Variants in MAPKAP1 observed in about 807,000 individuals in gnomAD.
The protein encoded by MAPKAP1 is target of rapamycin complex 2 subunit MAPKAP1.
In MAPKAP1, 20 loss-of-function variants were observed where a neutral mutation model predicts 65.7. That is an observed-to-expected ratio of 0.30 (90% CI 0.21 to 0.44). The LOEUF is 0.44. Ranked by LOEUF, MAPKAP1 falls within the 20% of genes least tolerant of loss-of-function variation. The pLI is 1.00. For missense variants in MAPKAP1, 423 were observed against 648.0 expected (o/e 0.65, Z 3.77); for synonymous variants, 222 against 244.3 (o/e 0.91, Z 0.85).
intron 10 of MAPKAP1, among the ~76,000 whole-genome samples, chr9:125,445,910 A>G (rs995243884): frequency 6.6e-6 from 1 of 152,222 alleles, no homozygotes; most frequent in Non-Finnish European, 1.5e-5. Flanking sequence ...TTCCTAGACC[A>G]AGGAGCAGCA....
chr9:125,649,601 C>T (rs982339796), intron 4 of MAPKAP1, among the ~76,000 whole-genome samples: 3 of 151,648 alleles, frequency 2.0e-5, no homozygotes, highest in Non-Finnish European at 2.9e-5. Context: ...GGCTGACAAG[C>T]GAGAACAAAA....
chr9:125,570,744 G>GA (rs905836046), intron 5 of MAPKAP1, among the ~76,000 whole-genome samples: 7 of 150,310 alleles, frequency 4.7e-5, no homozygotes, highest in East Asian at 3.9e-4. Flanking sequence ...TTTTAAGTAA[G>GA]AAAAAAAAAT....
intron 4 of MAPKAP1, among the ~76,000 whole-genome samples, chr9:125,618,701 T>C (rs1366867862): frequency 2.0e-5 from 3 of 152,094 alleles, no homozygotes; most frequent in East Asian, 3.9e-4. Flanking sequence ...ACCTCAAATA[T>C]GTTTTTCAAT....
At chr9:125,670,550 T>A (rs1386794871) in intron 2 of MAPKAP1, among the ~76,000 whole-genome samples, 1 of 152,166 alleles carries the variant, frequency 6.6e-6, no homozygotes, top group African/African-American at 2.4e-5. Flanking sequence ...GCTGCATGGA[T>A]TAAAAAGTAA....
intron 8 of MAPKAP1, among the ~76,000 whole-genome samples, chr9:125,485,161 T>C (rs1854457141): frequency 6.6e-6 from 1 of 152,164 alleles, no homozygotes; most frequent in African/African-American, 2.4e-5. Context: ...TAAGGTTACA[T>C]GGCTGTCTAT....
intron 7 of MAPKAP1, among the ~76,000 whole-genome samples, chr9:125,537,039 A>G (rs1830093247): frequency 6.6e-6 from 1 of 152,234 alleles, no homozygotes. Flanking sequence ...CTCAGAATCA[A>G]TGAACATTTC....
At chr9:125,612,859 A>C (rs1210696870) in intron 4 of MAPKAP1, among the ~76,000 whole-genome samples, 4 of 152,230 alleles carry the variant, frequency 2.6e-5, no homozygotes, top group Non-Finnish European at 5.9e-5. Context: ...AGGCTGTTAC[A>C]CAATGGAGGC....
chr9:125,690,079 A>C (rs1835121970), intron 1 of MAPKAP1, among the ~76,000 whole-genome samples: 1 of 152,222 alleles, frequency 6.6e-6, no homozygotes, highest in Non-Finnish European at 1.5e-5. Context: ...CAAGAGCAAA[A>C]GTCCATCTCA....
intron 10 of MAPKAP1, among the ~76,000 whole-genome samples, chr9:125,448,742 A>G (rs1221751066): frequency 6.6e-6 from 1 of 152,176 alleles, no homozygotes; most frequent in Non-Finnish European, 1.5e-5. Flanking sequence ...CAGTGGCTCA[A>G]GCCTGTAATC....
At chr9:125,479,345 C>T (rs1003817258) in intron 9 of MAPKAP1, among the ~76,000 whole-genome samples, 1 of 152,044 alleles carries the variant, frequency 6.6e-6, no homozygotes, top group Admixed American at 6.5e-5. Flanking sequence ...TTTGGGAGGC[C>T]GAGGTGGGTG....
chr9:125,608,131 T>C (rs1273511652), intron 4 of MAPKAP1, among the ~76,000 whole-genome samples: 1 of 152,158 alleles, frequency 6.6e-6, no homozygotes. Context: ...CATGTCATAG[T>C]GTTATTAGAA....
chr9:125,625,261 A>AT (rs777958310), intron 4 of MAPKAP1, among the ~76,000 whole-genome samples: 28,494 of 135,562 alleles, frequency 0.21, 4,205 homozygotes, highest in Non-Finnish European at 0.28. Context: ...TAAATAAAAA[A>AT]AAAAAAAAAA....
At chr9:125,702,471 T>C (rs947211906) in intron 1 of MAPKAP1, among the ~76,000 whole-genome samples, 3 of 150,674 alleles carry the variant, frequency 2.0e-5, no homozygotes, top group South Asian at 2.1e-4. Context: ...GAGGTGGAGG[T>C]TGCAGTGAGT....
rs750519243 is a variant in MAPKAP1, at chr9:125,506,382, T to C, written c.994A>G (p.Asn332Asp). ...GTGCTGTCCAGGTCAACGGCGACAT[T>C]GGGCTCGCTCTGCTTCTCCAGGCGG... is the stretch of plus-strand genomic sequence containing the variant. ...QYRLEKQSEP[N>D]VAVDLDSTLE... is the part of the protein sequence containing the mutation. The change falls in exon 8 of 12, where the codon AAT (asparagine) becomes GAT (aspartate). Residue 332 changes from asparagine (N) to aspartate (D), a missense_variant. Around this residue, in one of 6 missense-constraint regions of MAPKAP1, gnomAD observed 185 missense variants for 268.1 expected, o/e 0.69. Coordinates refer to ENST00000265960, the MANE Select transcript of MAPKAP1 (RefSeq NM_001006617.3). The C allele has an allele frequency of 1.9e-6, 3 of 1,614,108 alleles. No homozygotes were observed. Among genetic ancestry groups the C allele is most frequent in the African/African-American group, 1.3e-5 (1 of 75,022 alleles).
chr9:125,538,385 T>G, intron 7 of MAPKAP1, among the ~76,000 whole-genome samples: 1 of 152,186 alleles, frequency 6.6e-6, no homozygotes, highest in Non-Finnish European at 1.5e-5. Context: ...TAAGACTTGC[T>G]AATGGATAAG....
chr9:125,527,291 C>T (rs1449547518), intron 7 of MAPKAP1, among the ~76,000 whole-genome samples: 1 of 152,160 alleles, frequency 6.6e-6, no homozygotes, highest in Non-Finnish European at 1.5e-5. Context: ...TGGTCTTGAA[C>T]TCCTGACCTC....
chr9:125,695,303 T>G (rs907820644), intron 1 of MAPKAP1, among the ~76,000 whole-genome samples: 3 of 152,236 alleles, frequency 2.0e-5, no homozygotes, highest in Non-Finnish European at 4.4e-5. Flanking sequence ...GTAAAGAGCA[T>G]TCTATCAATA....
intron 7 of MAPKAP1, among the ~76,000 whole-genome samples, chr9:125,516,890 A>G (rs1345710289): frequency 6.6e-6 from 1 of 152,136 alleles, no homozygotes; most frequent in East Asian, 1.9e-4. Context: ...CCTTTTTGAA[A>G]ACAAGTCAAA....
chr9:125,477,552 C>A (rs1490244120), intron 9 of MAPKAP1, among the ~76,000 whole-genome samples: 4 of 152,158 alleles, frequency 2.6e-5, no homozygotes, highest in Non-Finnish European at 5.9e-5. Context: ...GACCCACTGC[C>A]CCGAGGTGCT....
Sources: allele counts gnomAD v4.1 joint callset (sites outside exome capture counted in the v4.1 genomes callset), GRCh38; gene constraint gnomAD v4.1.1; regional missense constraint gnomAD v4.1.1; transcripts MANE v1.5; gene names NCBI Gene and HGNC (gene_info 2026-07-23, HGNC 2026-07-21).